Variants in SV2C observed in about 807,000 individuals in gnomAD.
The protein encoded by SV2C is solute carrier family 22 member B3.
SV2C carries 49 observed loss-of-function variants against 79.7 expected under a neutral mutation model. The observed-to-expected ratio is 0.61, with a 90% CI of 0.49 to 0.78. The LOEUF (loss-of-function observed/expected upper bound fraction) is 0.78. Ranked by LOEUF, SV2C falls within the 30% of genes least tolerant of loss-of-function variation. The probability of loss-of-function intolerance (pLI) is 0.00; values close to 1 mark genes in which losing one functional copy is unlikely to be tolerated. For missense variants in SV2C, 833 were observed against 912.9 expected (o/e 0.91, Z 1.13); for synonymous variants, 334 against 333.2 (o/e 1.00, Z -0.03).
chr5:76,093,913 A>C (rs530144182), intron 1 of SV2C, among the ~76,000 whole-genome samples: 7 of 152,158 alleles, frequency 4.6e-5, no homozygotes, highest in African/African-American at 1.7e-4. Context: ...GATGTTGCCC[A>C]TTATATTACC....
chr5:76,347,149 C>T (rs246802), intron 12 of SV2C, among the ~76,000 whole-genome samples: 4 of 151,916 alleles, frequency 2.6e-5, no homozygotes, highest in African/African-American at 2.4e-5. Context: ...ATTGACGGCA[C>T]GCTCAGCATA....
chr5:76,184,228 C>G (rs1482829438), intron 2 of SV2C, among the ~76,000 whole-genome samples: 1 of 152,146 alleles, frequency 6.6e-6, no homozygotes, highest in Non-Finnish European at 1.5e-5. Flanking sequence ...CAGTGAGCAG[C>G]CAGAGTCTGA....
the SV2C span, chr5:75,911,143 G>A: frequency 1.3e-6 from 2 of 1,583,636 alleles, no homozygotes; most frequent in African/African-American, 1.3e-5. Flanking sequence ...AATAGAGAAG[G>A]AAGGATCTGA....
At chr5:76,176,280 G>A (rs1164582252) in intron 2 of SV2C, among the ~76,000 whole-genome samples, 1 of 152,164 alleles carries the variant, frequency 6.6e-6, no homozygotes, top group Non-Finnish European at 1.5e-5. Flanking sequence ...AGAAAACCAT[G>A]GTAGTGAATC....
chr5:75,895,853 A>G, the SV2C span, among the ~76,000 whole-genome samples: 1 of 152,070 alleles, frequency 6.6e-6, no homozygotes, highest in African/African-American at 2.4e-5. Flanking sequence ...ATATCTGGAG[A>G]ATGCTTCAGA....
At position 76,326,332 on chromosome 5, in the gene SV2C, A is replaced by T. The variant is rs1580076151; in HGVS notation, c.*785A>T. 6.6e-6 allele frequency: 1 copy of T among 151,746 alleles called. No individual in the cohort carries two copies. The highest frequency in any genetic ancestry group is 2.1e-4 in the South Asian group (1 of 4,810). The allele number at this position is 151,746 out of a possible 1,614,324, so 9.4% of individuals were successfully genotyped here. ...GAGAGAGCTTCTGCCTCCATTTACC[A>T]CTCCCACTCCTTCAGCTGCCCTTGG... On this transcript the variant is annotated 3_prime_UTR_variant, in exon 13 of 13. Transcript: ENST00000502798.
At chr5:76,103,854 C>T (rs1325799645) in intron 1 of SV2C, among the ~76,000 whole-genome samples, 2 of 152,094 alleles carry the variant, frequency 1.3e-5, no homozygotes, top group African/African-American at 2.4e-5. Flanking sequence ...ATACACTTTC[C>T]AACTCATTTT....
Position 76,192,318 on chromosome 5 carries a change from G to A in SV2C, c.581-2601G>A, listed in dbSNP as rs77444732. Among the ~76,000 whole-genome samples, 15 of 152,240 alleles carry A rather than the reference G, an allele frequency of 9.9e-5. 1 individual carries two copies. In the East Asian group the frequency reaches 1.5e-3, roughly 16 times the overall value. ...AGGGAGGGAGGGACTGGTTTCACTG[G>A]TTCATGGGTCATACTTTGAGAAGTG... On this transcript the variant is annotated intron_variant, in intron 2 of 12. Transcript: ENST00000502798.
At chr5:76,171,079 CCCCGCGGGG>C (rs1743222497) in intron 2 of SV2C, 1 of 103,576 alleles carries the variant, frequency 9.7e-6, no homozygotes, top group Non-Finnish European at 1.7e-5. Context: ...AGCGGACGGG[CCCCGCGGGG>C]CCCGAGGGCA....
the SV2C span, among the ~76,000 whole-genome samples, chr5:75,883,539 G>A: frequency 6.8e-6 from 1 of 147,160 alleles, no homozygotes; most frequent in Non-Finnish European, 1.5e-5. Flanking sequence ...CCTTTGTAGG[G>A]ACATGGATGA....
intron 4 of SV2C, among the ~76,000 whole-genome samples, chr5:76,268,521 C>T (rs1746737752): frequency 6.6e-6 from 1 of 152,154 alleles, no homozygotes; most frequent in African/African-American, 2.4e-5. Context: ...GTGGTTAGTG[C>T]CAGGTGCTTT....
the SV2C span, among the ~76,000 whole-genome samples, chr5:75,868,901 G>A: frequency 7.7e-3 from 1,167 of 152,298 alleles, 18 homozygotes; most frequent in African/African-American, 0.025. Flanking sequence ...ATTGCAGGGC[G>A]TAGGCTTTGC....
chr5:76,301,611 T>TA, intron 12 of SV2C, 66 bp downstream of exon 12: 1 of 1,549,874 alleles, frequency 6.5e-7, no homozygotes, highest in African/African-American at 1.4e-5. Flanking sequence ...AAAATTATTT[T>TA]AAAACAACCC....
intron 4 of SV2C, among the ~76,000 whole-genome samples, chr5:76,257,472 G>C (rs1486149788): frequency 7.7e-6 from 1 of 129,334 alleles, no homozygotes; most frequent in Non-Finnish European, 1.8e-5. Flanking sequence ...GGATAGCGGT[G>C]TGTATGGGTG....
chr5:76,210,813 A>ACCCAGGAAATT (rs1744746753), intron 4 of SV2C, among the ~76,000 whole-genome samples: 1 of 152,198 alleles, frequency 6.6e-6, no homozygotes, highest in Non-Finnish European at 1.5e-5. Context: ...TGCTCCTATT[A>ACCCAGGAAATT]CCCAGGAAAT....
At chr5:76,066,087 C>T in the SV2C span, among the ~76,000 whole-genome samples, 1 of 152,094 alleles carries the variant, frequency 6.6e-6, no homozygotes, top group East Asian at 1.9e-4. Context: ...ACCCAGCCAT[C>T]CCATTACTGG....
the SV2C span, among the ~76,000 whole-genome samples, chr5:75,989,117 CT>C: frequency 6.3e-3 from 963 of 152,006 alleles, 10 homozygotes; most frequent in African/African-American, 0.022. Context: ...AGTTTTCCCA[CT>C]TTCCAATAAA....
the SV2C span, among the ~76,000 whole-genome samples, chr5:76,036,250 A>G: frequency 1.3e-5 from 2 of 151,750 alleles, no homozygotes; most frequent in African/African-American, 4.8e-5. Flanking sequence ...TTACATTTAA[A>G]GTTAATATTA....
At chr5:76,052,459 A>G in the SV2C span, among the ~76,000 whole-genome samples, 19 of 152,336 alleles carry the variant, frequency 1.2e-4, no homozygotes, top group African/African-American at 4.1e-4. Context: ...GCTGACTTCT[A>G]TGGAATGATG....
Sources: gnomAD v4.1 joint callset for allele counts (sites outside exome capture counted in the v4.1 genomes callset) on GRCh38, gnomAD v4.1.1 for gene constraint, MANE v1.5 for transcripts, NCBI Gene and HGNC (gene_info 2026-07-23, HGNC 2026-07-21) for gene names.